Variants in ALPI observed in about 807,000 individuals in gnomAD.
ALPI encodes the protein alkaline phosphatase, intestinal.
In ALPI, 50 loss-of-function variants were observed where a neutral mutation model predicts 51.5. That is an observed-to-expected ratio of 0.97 (90% CI 0.77 to 1.23). The LOEUF (loss-of-function observed/expected upper bound fraction) is 1.23. Ranked by LOEUF, ALPI falls within the 50% of genes most tolerant of loss-of-function variation. ALPI has a pLI of 0.00. For missense variants in ALPI, 692 were observed against 722.4 expected, an observed-to-expected ratio of 0.96 and a Z score of 0.48; for synonymous variants, 322 against 308.2, an observed-to-expected ratio of 1.04 and a Z score of -0.47.
At position 232,457,594 on chromosome 2, in the gene ALPI, G is replaced by A. The variant is rs746867449; in HGVS notation, c.678G>A (p.Met226Ile). The stretch of plus-strand genomic sequence containing the variant: ...TCCTTGGCGGAGGCCGCAAGTACAT[G>A]TTTCCCATGGGGACCCCAGACCCTG... ...DVILGGGRKY[M>I]FPMGTPDPEY... Residue 226 changes from methionine (M) to isoleucine (I), a missense_variant, in exon 6 of 11, where the codon ATG becomes ATA. Met to Ile is a conservative substitution (Grantham distance 10). Coordinates refer to ENST00000295463, the MANE Select transcript of ALPI (RefSeq NM_001631.5). This position sits in a 1 kb window ranked among gnomAD's most constrained non-coding sequence, Gnocchi z 4.7. 5 of 1,613,748 alleles carry A rather than the reference G, an allele frequency of 3.1e-6. No individual in the cohort carries two copies. Among genetic ancestry groups the A allele is most frequent in the Non-Finnish European group, 4.2e-6 (5 of 1,179,790 alleles).
Position 232,458,305 on chromosome 2 carries a change from G to A in ALPI, c.1080G>A (p.Ala360=), listed in dbSNP as rs755164833. The change falls in exon 9 of 11, where the codon GCG becomes GCA. Residue 360 remains alanine, a synonymous_variant. Coordinates refer to ENST00000295463, the MANE Select transcript of ALPI (RefSeq NM_001631.5). The part of the protein sequence containing the change: ...AVMFDDAIER[A]GQLTSEEDTL... ...TGTTCGACGACGCCATTGAGAGGGC[G>A]GGCCAGCTCACCAGCGAGGAGGACA... is the stretch of plus-strand genomic sequence containing the variant. The A allele has an allele frequency of 4.0e-5, 64 of 1,614,026 alleles. No homozygotes were observed. Among genetic ancestry groups the A allele is most frequent in the South Asian group, 2.5e-4 (23 of 91,082 alleles).
rs768623626 is a variant in ALPI at position 232,456,272 on chromosome 2, G to A, written c.67+6G>A. 1.2e-6 allele frequency: 2 copies of A among 1,613,948 alleles called. No individual in the cohort carries two copies. The highest frequency in any genetic ancestry group is 2.7e-5 in the African/African-American group (2 of 74,886). ...CTCCCTGGGCGTCATCCCAGGTAAT[G>A]AGGCTCCCCAAGCTGTTCCACACAC... On this transcript the variant is annotated splice_donor_region_variant and intron_variant, in intron 1 of 10. Transcript: ENST00000295463. This position sits in a 1 kb window ranked among gnomAD's most constrained non-coding sequence, Gnocchi z 4.2.
Position 232,458,247 on chromosome 2 carries a change from G to C in ALPI, c.1022G>C (p.Gly341Ala), listed in dbSNP as rs375026423. ...GGRIDHGHHEGVAYQALTEAV... is the reference protein window; with the variant it reads ...GGRIDHGHHEAVAYQALTEAV... ...CGCATCGACCATGGTCATCATGAGG[G>C]TGTGGCTTACCAGGCACTCACTGAG... is the stretch of plus-strand genomic sequence containing the variant. The change falls in exon 9 of 11, where the codon GGT (glycine) becomes GCT (alanine). Residue 341 changes from glycine to alanine, a missense_variant. Gly to Ala is a moderately conservative substitution (Grantham distance 60, BLOSUM62 0). Coordinates refer to ENST00000295463, the MANE Select transcript of ALPI (RefSeq NM_001631.5). 2 of 1,614,166 alleles carry C rather than the reference G, an allele frequency of 1.2e-6. No individual in the cohort carries two copies. The highest frequency in any genetic ancestry group is 2.2e-5 in the South Asian group (2 of 91,088).
chr2:232,457,497 C>T lies in ALPI; in HGVS notation c.649-68C>T. 1 of 1,554,378 alleles carries T rather than the reference C, an allele frequency of 6.4e-7. No homozygotes were observed. Among genetic ancestry groups the T allele is most frequent in the East Asian group, 2.3e-5 (1 of 44,428 alleles). ...CAGCCCTGGGGAGGGGAGCCAGGGG[C>T]TATGCATGAGGAGGGGGCACGGGGC... is the stretch of plus-strand genomic sequence containing the variant. On this transcript the variant is annotated intron_variant, in intron 5 of 10. Transcript: ENST00000295463. The surrounding 1 kb of genome is among the most constrained non-coding windows in gnomAD (Gnocchi z 4.7).
At position 232,457,660 on chromosome 2, in the gene ALPI, C is replaced by T. The variant is rs141754817; in HGVS notation, c.744C>T (p.Asp248=). The T allele has an allele frequency of 2.0e-4, 318 of 1,613,646 alleles. 1 individual carries two copies. Among genetic ancestry groups the T allele is most frequent in the Non-Finnish European group, 2.3e-4 (271 of 1,179,804 alleles). ...ADASQNGIRL[D]GKNLVQEWLA... ...CCAGCCAGAATGGAATCAGGCTGGA[C>T]GGGAAGAACCTGGTGCAGGAATGGC... The change falls in exon 6 of 11, where the codon GAC becomes GAT. Residue 248 remains aspartate, a synonymous_variant. Coordinates refer to ENST00000295463, the MANE Select transcript of ALPI (RefSeq NM_001631.5). The surrounding 1 kb of genome is among the most constrained non-coding windows in gnomAD (Gnocchi z 4.7).
chr2:232,459,192 G>A lies in ALPI; in HGVS notation c.*46G>A. ...CCTGCTCCCCACCTCCGGGCGTCCT[G>A]CCCTGTTCCCCGTCCTGAGCCGCCA... On this transcript the variant is annotated 3_prime_UTR_variant, in exon 11 of 11. Coordinates refer to ENST00000295463, the MANE Select transcript of ALPI (RefSeq NM_001631.5). 6.7e-7 allele frequency: 1 copy of A among 1,501,360 alleles called. No individual in the cohort carries two copies. Among genetic ancestry groups the A allele is most frequent in the South Asian group, 1.3e-5 (1 of 76,928 alleles). The allele number at this position is 1,501,360 out of a possible 1,614,324, so 93.0% of individuals were successfully genotyped here. A position where few individuals can be genotyped will look rare whatever the true frequency, so the allele number is the denominator to read the frequency against.
At position 232,457,340 on chromosome 2, in the gene ALPI, AG is replaced by A. The variant is rs748702979; in HGVS notation, c.648+21del. 3.1e-6 allele frequency: 5 copies of A among 1,590,316 alleles called. No homozygotes were observed. Among genetic ancestry groups the A allele is most frequent in the Non-Finnish European group, 4.3e-6 (5 of 1,168,042 alleles). ...ACATTGACGTGCGACCCCCGGGCCAAGGGCTGGGGCTGGGCAGAGGGGAAGG... is the reference window on the plus strand; with the variant it reads ...ACATTGACGTGCGACCCCCGGGCCAAGGCTGGGGCTGGGCAGAGGGGAAGG... On this transcript the variant is annotated intron_variant, in intron 5 of 10. Transcript: ENST00000295463. The surrounding 1 kb of genome is among the most constrained non-coding windows in gnomAD (Gnocchi z 4.7).
At position 232,459,063 on chromosome 2, in the gene ALPI, A is replaced by G. The variant is rs1249347658; in HGVS notation, c.1504A>G (p.Thr502Ala). The G allele has an allele frequency of 1.3e-6, 2 of 1,547,528 alleles. No individual in the cohort carries two copies. The highest frequency in any genetic ancestry group is 2.7e-5 in the African/African-American group (2 of 72,988). ...ACDLAPPACTTDAAHPVAASL... is the reference protein window; with the variant it reads ...ACDLAPPACTADAAHPVAASL... The stretch of plus-strand genomic sequence containing the variant: ...CGACCTGGCGCCTCCCGCCTGCACC[A>G]CCGACGCCGCGCACCCAGTTGCCGC... The change falls in exon 11 of 11, where the codon ACC (threonine) becomes GCC (alanine). Residue 502 changes from threonine (T) to alanine (A), a missense_variant. Thr to Ala is a moderately conservative substitution (Grantham distance 58, BLOSUM62 0). Coordinates refer to ENST00000295463, the MANE Select transcript of ALPI (RefSeq NM_001631.5).
rs1431512733 is a variant in ALPI at position 232,458,279 on chromosome 2, A to G, written c.1054A>G (p.Met352Val). The stretch of plus-strand genomic sequence containing the variant: ...TTACCAGGCACTCACTGAGGCGGTC[A>G]TGTTCGACGACGCCATTGAGAGGGC... ...VAYQALTEAV[M>V]FDDAIERAGQ... The change falls in exon 9 of 11, where the codon ATG becomes GTG. Residue 352 changes from methionine to valine, a missense_variant. Met to Val is a conservative substitution (Grantham distance 21, BLOSUM62 1). Transcript: ENST00000295463. 1.2e-6 allele frequency: 2 copies of G among 1,614,012 alleles called. No individual in the cohort carries two copies. Among genetic ancestry groups the G allele is most frequent in the East Asian group, 2.2e-5 (1 of 44,898 alleles).
chr2:232,456,595 C>T lies in ALPI; in HGVS notation c.200C>T (p.Thr67Met), dbSNP rs145699808. ...LFLGDGLGVP[T>M]VTATRILKGQ... ...GCTCCTTCAGGGTTGGGGGTGCCCA[C>T]GGTGACAGCCACCAGGATCCTAAAG... Residue 67 changes from threonine (T) to methionine (M), a missense_variant, in exon 3 of 11, where the codon ACG (threonine) becomes ATG (methionine). By Grantham distance (81) the Thr-to-Met change is moderately conservative (BLOSUM62 -1). Coordinates refer to ENST00000295463, the MANE Select transcript of ALPI (RefSeq NM_001631.5). This position sits in a 1 kb window ranked among gnomAD's most constrained non-coding sequence, Gnocchi z 4.2. 4.5e-5 allele frequency: 73 copies of T among 1,612,736 alleles called. No homozygotes were observed. The African/African-American group carries it at 6.8e-4, about 15-fold the overall frequency.
Position 232,456,676 on chromosome 2 carries a change from C to T in ALPI, c.281C>T (p.Pro94Leu). 6.2e-7 allele frequency: 1 copy of T among 1,607,420 alleles called. No individual in the cohort carries two copies. The change falls in exon 3 of 11, where the codon CCA becomes CTA. Residue 94 changes from proline to leucine, a missense_variant. Transcript: ENST00000295463. This position sits in a 1 kb window ranked among gnomAD's most constrained non-coding sequence, Gnocchi z 4.2. ...ACGCCCCTGGCCATGGACCGCTTCCCATACCTGGCTCTGTCCAAGGTAAGG... is the reference window on the plus strand; with the variant it reads ...ACGCCCCTGGCCATGGACCGCTTCCTATACCTGGCTCTGTCCAAGGTAAGG... ...PETPLAMDRFPYLALSKTYNV... is the reference protein window; with the variant it reads ...PETPLAMDRFLYLALSKTYNV...
In ALPI at chr2:232,457,244, T is replaced by C. The variant is rs1310516090; in HGVS notation, c.570T>C (p.Asp190=). The change falls in exon 5 of 11, where the codon GAT becomes GAC. Residue 190 remains aspartate, a synonymous_variant. Coordinates refer to ENST00000295463, the MANE Select transcript of ALPI (RefSeq NM_001631.5). The surrounding 1 kb of genome is among the most constrained non-coding windows in gnomAD (Gnocchi z 4.7). ...AHTVNRNWYS[D]ADMPASARQE... is the part of the protein sequence containing the mutation. ...CAGTGAACCGCAACTGGTACTCAGA[T>C]GCTGACATGCCTGCCTCAGCCCGCC... is the stretch of plus-strand genomic sequence containing the variant. The C allele has an allele frequency of 6.2e-7, 1 of 1,613,406 alleles. No homozygotes were observed. The highest frequency in any genetic ancestry group is 8.5e-7 in the Non-Finnish European group (1 of 1,180,010).
rs1378715230 is a variant in ALPI, at chr2:232,456,206, G to C, written c.7G>C (p.Gly3Arg). The C allele has an allele frequency of 1.2e-6, 2 of 1,613,438 alleles. No homozygotes were observed. The change falls in exon 1 of 11, where the codon GGG becomes CGG. Residue 3 changes from glycine (G) to arginine (R), a missense_variant. By Grantham distance (125) the Gly-to-Arg change is moderately radical (BLOSUM62 -2). Transcript: ENST00000295463. This position sits in a 1 kb window ranked among gnomAD's most constrained non-coding sequence, Gnocchi z 4.2. ...CTCCTGCTGCCCCCAAGACATGCAG[G>C]GGCCCTGGGTGCTGCTGCTGCTGGG... MQ[G>R]PWVLLLLGLR...
rs199893481 is a variant in ALPI, at chr2:232,457,333, C to T, written c.648+11C>T. 56 of 1,594,176 alleles carry T rather than the reference C, an allele frequency of 3.5e-5. No individual in the cohort carries two copies. The highest frequency in any genetic ancestry group is 1.2e-4 in the African/African-American group (9 of 74,950). On this transcript the variant is annotated intron_variant, in intron 5 of 10. Transcript: ENST00000295463. This position sits in a 1 kb window ranked among gnomAD's most constrained non-coding sequence, Gnocchi z 4.7. ...AACATGGACATTGACGTGCGACCCC[C>T]GGGCCAAGGGCTGGGGCTGGGCAGA... is the stretch of plus-strand genomic sequence containing the variant.
Position 232,456,685 on chromosome 2 carries a change from C to T in ALPI, c.290C>T (p.Ala97Val). The change falls in exon 3 of 11, where the codon GCT (alanine) becomes GTT (valine). Residue 97 changes from alanine to valine, a missense_variant. Transcript: ENST00000295463. The surrounding 1 kb of genome is among the most constrained non-coding windows in gnomAD (Gnocchi z 4.2). ...GCCATGGACCGCTTCCCATACCTGG[C>T]TCTGTCCAAGGTAAGGGCTGGGCCA... Reference protein sequence around the residue: ...PLAMDRFPYLALSKTYNVDRQ... With the variant: ...PLAMDRFPYLVLSKTYNVDRQ... The T allele has an allele frequency of 6.2e-7, 1 of 1,603,454 alleles. No individual in the cohort carries two copies.
In ALPI at chr2:232,459,088, CG is replaced by C; in HGVS notation, c.1530del (p.Ser511ArgfsTer40). On this transcript the variant is annotated frameshift_variant, in exon 11 of 11. Transcript: ENST00000295463. LOFTEE classifies it low-confidence loss of function (END_TRUNC). ...ACCGACGCCGCGCACCCAGTTGCCG[CG>C]TCGCTGCCACTGCTGGCCGGGACCC... ...CTTDAAHPVA[A>X]SLPLLAGTLL... 1 of 1,542,158 alleles carries C rather than the reference CG, an allele frequency of 6.5e-7. No individual in the cohort carries two copies. Among genetic ancestry groups the C allele is most frequent in the Non-Finnish European group, 8.7e-7 (1 of 1,146,512 alleles).
At position 232,456,585 on chromosome 2, in the gene ALPI, G is replaced by T. The variant is rs1347260066; in HGVS notation, c.190G>T (p.Gly64Trp). ...NLILFLGDGL[G>W]VPTVTATRIL... The stretch of plus-strand genomic sequence containing the variant: ...ACACATTTCTGCTCCTTCAGGGTTG[G>T]GGGTGCCCACGGTGACAGCCACCAG... The change falls in exon 3 of 11, where the codon GGG becomes TGG. Residue 64 changes from glycine (G) to tryptophan (W), a missense_variant. Gly to Trp is a radical substitution (Grantham distance 184). Coordinates refer to ENST00000295463, the MANE Select transcript of ALPI (RefSeq NM_001631.5). The surrounding 1 kb of genome is among the most constrained non-coding windows in gnomAD (Gnocchi z 4.2). 1 of 1,612,522 alleles carries T rather than the reference G, an allele frequency of 6.2e-7. No individual in the cohort carries two copies. The highest frequency in any genetic ancestry group is 8.5e-7 in the Non-Finnish European group (1 of 1,179,312).
In ALPI at chr2:232,457,306, C is replaced by T. The variant is rs1390218352; in HGVS notation, c.632C>T (p.Ser211Phe). The T allele has an allele frequency of 6.2e-7, 1 of 1,610,476 alleles. No individual in the cohort carries two copies. The highest frequency in any genetic ancestry group is 1.7e-5 in the Admixed American group (1 of 59,920). Reference protein sequence around the residue: ...GCQDIATQLISNMDIDVILGG... With the variant: ...GCQDIATQLIFNMDIDVILGG... ...CAGGACATCGCCACTCAGCTCATCT[C>T]CAACATGGACATTGACGTGCGACCC... The change falls in exon 5 of 11, where the codon TCC (serine) becomes TTC (phenylalanine). Residue 211 changes from serine (S) to phenylalanine (F), a missense_variant. By Grantham distance (155) the Ser-to-Phe change is radical. Coordinates refer to ENST00000295463, the MANE Select transcript of ALPI (RefSeq NM_001631.5). The surrounding 1 kb of genome is among the most constrained non-coding windows in gnomAD (Gnocchi z 4.7).
Position 232,458,640 on chromosome 2 carries a change from C to T in ALPI, c.1192C>T (p.Pro398Ser), listed in dbSNP as rs1690247569. 6.2e-7 allele frequency: 1 copy of T among 1,613,806 alleles called. No individual in the cohort carries two copies. Among genetic ancestry groups the T allele is most frequent in the East Asian group, 2.2e-5 (1 of 44,876 alleles). Residue 398 changes from proline (P) to serine (S), a missense_variant, in exon 10 of 11, where the codon CCC becomes TCC. By Grantham distance (74) the Pro-to-Ser change is moderately conservative. Coordinates refer to ENST00000295463, the MANE Select transcript of ALPI (RefSeq NM_001631.5). ...CCCGCATCTCCCTACAGGGTTGGCC[C>T]CCAGCAAGGCTCAGGACAGCAAAGC... The part of the protein sequence containing the change: ...LRGSSIFGLA[P>S]SKAQDSKAYT...
Sources: allele counts gnomAD v4.1 joint callset, GRCh38; gene constraint gnomAD v4.1.1; non-coding constraint Gnocchi (gnomAD v3.1); transcripts MANE v1.5; gene names NCBI Gene and HGNC (gene_info 2026-07-23, HGNC 2026-07-21).